The following NHSL2 variants were observed in gnomAD, a reference collection of about 807,000 sequenced individuals.
NHSL2 encodes the protein NHS-like protein 2.
Under a neutral mutation model 53.4 loss-of-function variants are expected in NHSL2, and 27 were observed. The observed-to-expected ratio is 0.51, with a 90% CI of 0.37 to 0.70. The LOEUF (loss-of-function observed/expected upper bound fraction) is 0.70. NHSL2 is among the 30% of genes least tolerant of loss of function. The probability of loss-of-function intolerance (pLI) is 0.00; values close to 1 mark genes in which losing one functional copy is unlikely to be tolerated. For synonymous variants in NHSL2, 408 were observed against 404.1 expected (o/e 1.01, Z -0.12); for missense variants, 892 against 980.1 (o/e 0.91, Z 1.20).
intron 1 of NHSL2, among the ~76,000 whole-genome samples, chrX:72,099,647 G>A (rs1030562836): frequency 9.9e-5 from 11 of 111,377 alleles, no homozygotes; most frequent in African/African-American, 3.6e-4. Context: ...GGGATTGCAG[G>A]CGTGAGCCGC....
At chrX:71,964,379 C>T (rs1314344007) in intron 1 of NHSL2, among the ~76,000 whole-genome samples, 2 of 109,141 alleles carry the variant, frequency 1.8e-5, no homozygotes, top group Non-Finnish European at 3.8e-5. Context: ...CATGTCCCTG[C>T]AAAGGACATG....
intron 1 of NHSL2, among the ~76,000 whole-genome samples, chrX:72,041,823 G>T (rs1406019118): frequency 8.9e-6 from 1 of 112,426 alleles, no homozygotes; most frequent in East Asian, 2.8e-4. Flanking sequence ...TTTATGTATG[G>T]CTCATTTACT....
chrX:72,065,114 C>G (rs1020748739), intron 1 of NHSL2, among the ~76,000 whole-genome samples: 5 of 111,705 alleles, frequency 4.5e-5, no homozygotes, highest in African/African-American at 1.6e-4. Flanking sequence ...TGAGAAGACT[C>G]TTGGGTTGGT....
At chrX:72,032,052 A>G (rs1165977011) in intron 1 of NHSL2, among the ~76,000 whole-genome samples, 2 of 108,307 alleles carry the variant, frequency 1.8e-5, no homozygotes, top group East Asian at 5.8e-4. Context: ...AACCATCACA[A>G]TTGGGATGCA....
rs959089608 is a variant in NHSL2 at position 72,152,863 on chromosome X, G to A, written c.*9289G>A. On this transcript the variant is annotated 3_prime_UTR_variant, in exon 8 of 8. Coordinates refer to ENST00000633930, the MANE Select transcript of NHSL2 (RefSeq NM_001013627.3). ...ACTACACTTGCCAAAAGCAAACTGA[G>A]GAATGAGCATTGGCCAGTCCTAGTA... 18 of 112,486 alleles carry A rather than the reference G, an allele frequency of 1.6e-4. No individual in the cohort carries two copies. Among genetic ancestry groups the A allele is most frequent in the African/African-American group, 5.5e-4 (17 of 30,962 alleles). The allele number at this position is 112,486 out of a possible 1,213,427, so 9.3% of individuals were successfully genotyped here.
chrX:72,043,081 A>G (rs1001031493), intron 1 of NHSL2, among the ~76,000 whole-genome samples: 3 of 111,249 alleles, frequency 2.7e-5, no homozygotes, highest in African/African-American at 9.8e-5. Flanking sequence ...GGTTCCCACA[A>G]TTGATGTGGG....
intron 1 of NHSL2, among the ~76,000 whole-genome samples, chrX:72,064,636 G>A (rs1479674110): frequency 8.9e-6 from 1 of 111,936 alleles, no homozygotes; most frequent in Non-Finnish European, 1.9e-5. Context: ...TGAGTACAGA[G>A]GGGTACAGCC....
chrX:72,138,926 C>T lies in NHSL2; in HGVS notation c.1378C>T (p.Arg460Cys), dbSNP rs756162414. 3.4e-5 allele frequency: 41 copies of T among 1,207,390 alleles called. No individual in the cohort carries two copies. The highest frequency in any genetic ancestry group is 4.1e-5 in the Non-Finnish European group (37 of 893,609). Residue 460 changes from arginine (R) to cysteine (C), a missense_variant, in exon 6 of 8, where the codon CGC (arginine) becomes TGC (cysteine). Physicochemically the swap from Arg to Cys is radical, Grantham distance 180. Coordinates refer to ENST00000633930, the MANE Select transcript of NHSL2 (RefSeq NM_001013627.3). ...CAGTGGGTCAGCTGGCTACCCTGAGCGCCTTATTCAGCAAAGGCACATGCC... is the reference window on the plus strand; with the variant it reads ...CAGTGGGTCAGCTGGCTACCCTGAGTGCCTTATTCAGCAAAGGCACATGCC... ...GCSGSAGYPE[R>C]LIQQRHMPER...
chrX:72,029,900 G>C (rs1426980381), intron 1 of NHSL2, among the ~76,000 whole-genome samples: 1 of 111,885 alleles, frequency 8.9e-6, no homozygotes, highest in African/African-American at 3.2e-5. Flanking sequence ...GAATCACTTT[G>C]TTTTCCTCTC....
chrX:71,956,298 T>G (rs950068960), intron 1 of NHSL2, among the ~76,000 whole-genome samples: 2 of 112,130 alleles, frequency 1.8e-5, no homozygotes, highest in Non-Finnish European at 3.8e-5. Flanking sequence ...CCCCTAAAAG[T>G]TTCCCCTTAT....
chrX:71,977,447 C>T (rs1488994055), intron 1 of NHSL2, among the ~76,000 whole-genome samples: 1 of 94,100 alleles, frequency 1.1e-5, no homozygotes. Context: ...TTTTTGACAG[C>T]GCCTCACTTT....
chrX:72,018,680 G>C (rs1365145119), intron 1 of NHSL2, among the ~76,000 whole-genome samples: 1 of 112,631 alleles, frequency 8.9e-6, no homozygotes, highest in Non-Finnish European at 1.9e-5. Context: ...TCCGGAACAC[G>C]AGGCTGCTTG....
intron 1 of NHSL2, among the ~76,000 whole-genome samples, chrX:71,991,166 C>T (rs1288112297): frequency 8.9e-6 from 1 of 112,776 alleles, no homozygotes; most frequent in Non-Finnish European, 1.9e-5. Context: ...GCCCAAAGGG[C>T]CTGCAAACAT....
intron 1 of NHSL2, among the ~76,000 whole-genome samples, chrX:71,970,470 T>C (rs1404335789): frequency 5.4e-5 from 6 of 112,064 alleles, no homozygotes; most frequent in Non-Finnish European, 9.4e-5. Flanking sequence ...AGCTGTTCTT[T>C]CTAGGAATTT....
intron 1 of NHSL2, among the ~76,000 whole-genome samples, chrX:71,950,133 A>AT (rs957038368): frequency 3.6e-4 from 40 of 112,047 alleles, no homozygotes; most frequent in African/African-American, 1.1e-3. Flanking sequence ...CCATCAGAGT[A>AT]TTTTTTTTTC....
intron 1 of NHSL2, among the ~76,000 whole-genome samples, chrX:72,017,387 C>G (rs2042140090): frequency 8.9e-6 from 1 of 112,960 alleles, no homozygotes; most frequent in Non-Finnish European, 1.9e-5. Flanking sequence ...GTGCTCGCAG[C>G]CAGCTGCACA....
chrX:71,926,996 A>G (rs995214606), intron 1 of NHSL2, among the ~76,000 whole-genome samples: 12 of 111,834 alleles, frequency 1.1e-4, no homozygotes, highest in African/African-American at 3.9e-4. Context: ...CTATAATTCT[A>G]TAAAGGAGAG....
chrX:72,027,202 C>T (rs1280285364), intron 1 of NHSL2, among the ~76,000 whole-genome samples: 5 of 112,267 alleles, frequency 4.5e-5, no homozygotes, highest in Admixed American at 3.8e-4. Flanking sequence ...GACAGGGTCT[C>T]TCATGATATC....
intron 1 of NHSL2, among the ~76,000 whole-genome samples, chrX:71,976,472 A>C (rs2041948629): frequency 8.9e-6 from 1 of 112,146 alleles, no homozygotes; most frequent in South Asian, 3.7e-4. Context: ...AAAGACCTCC[A>C]AAGGCTCCAA....
Sources: allele counts gnomAD v4.1 joint callset (sites outside exome capture counted in the v4.1 genomes callset), GRCh38; gene constraint gnomAD v4.1.1; transcripts MANE v1.5; gene names NCBI Gene and HGNC (gene_info 2026-07-23, HGNC 2026-07-21).